Variants in GALNT17 observed in about 807,000 individuals in gnomAD.
GALNT17 encodes the protein polypeptide N-acetylgalactosaminyltransferase 17.
In GALNT17, 29 loss-of-function variants were observed where a neutral mutation model predicts 63.7. The ratio of observed to expected loss-of-function variants is 0.46; its 90% CI spans 0.34 to 0.62. GALNT17 has a LOEUF of 0.62. Among genes scored for constraint, GALNT17 ranks in the 20% least tolerant of loss-of-function variants. The probability of loss-of-function intolerance (pLI) is 0.01; values close to 1 mark genes in which losing one functional copy is unlikely to be tolerated. For missense variants in GALNT17, 603 were observed against 799.6 expected (o/e 0.75, Z 2.97); for synonymous variants, 305 against 318.3 (o/e 0.96, Z 0.45).
chr7:71,197,971 G>A (rs556640162), intron 1 of GALNT17, among the ~76,000 whole-genome samples: 2 of 152,130 alleles, frequency 1.3e-5, no homozygotes, highest in African/African-American at 2.4e-5. Context: ...GCCGAGGTGG[G>A]CGGATCACCA....
At chr7:71,438,910 G>A (rs1393077438) in intron 5 of GALNT17, among the ~76,000 whole-genome samples, 1 of 147,800 alleles carries the variant, frequency 6.8e-6, no homozygotes, top group Non-Finnish European at 1.5e-5. Context: ...TTGGAGACAA[G>A]GTCTTGTTTT....
At position 71,322,700 on chromosome 7, in the gene GALNT17, T is replaced by C. The variant is rs1421375878; in HGVS notation, c.239-12850T>C. On this transcript the variant is annotated intron_variant, in intron 1 of 10. Transcript: ENST00000333538. ...GGCCTTTCGGAGGTAATCAGGTTTA[T>C]TTGAGGTAATGAAGGTGAAACTCTT... Among the ~76,000 whole-genome samples the C allele has an allele frequency of 2.0e-5, 3 of 152,136 alleles. 1 individual carries two copies. Among genetic ancestry groups the C allele is most frequent in the Non-Finnish European group, 1.5e-5 (1 of 68,026 alleles).
At chr7:71,296,126 A>T (rs1182603974) in intron 1 of GALNT17, among the ~76,000 whole-genome samples, 2 of 152,090 alleles carry the variant, frequency 1.3e-5, no homozygotes, top group Non-Finnish European at 2.9e-5. Flanking sequence ...CTTTGAAGTT[A>T]TGGGCAATGT....
intron 1 of GALNT17, among the ~76,000 whole-genome samples, chr7:71,298,367 A>T (rs560681869): frequency 8.7e-5 from 7 of 80,500 alleles, no homozygotes; most frequent in Non-Finnish European, 1.2e-4. Context: ...TAATGGCTGT[A>T]CTTTTTGCAA....
intron 1 of GALNT17, among the ~76,000 whole-genome samples, chr7:71,155,360 A>G (rs929025582): frequency 6.6e-6 from 1 of 151,438 alleles, no homozygotes; most frequent in Admixed American, 6.6e-5. Flanking sequence ...TGCACCCCCA[A>G]CCTCCCGGGC....
chr7:71,543,351 G>C (rs931563788), intron 5 of GALNT17, among the ~76,000 whole-genome samples: 3 of 152,178 alleles, frequency 2.0e-5, no homozygotes, highest in African/African-American at 7.2e-5. Flanking sequence ...TTTATTGCTA[G>C]TCGACTAACC....
chr7:71,387,178 G>A (rs985991290), intron 2 of GALNT17, among the ~76,000 whole-genome samples: 2 of 150,846 alleles, frequency 1.3e-5, no homozygotes, highest in African/African-American at 2.4e-5. Flanking sequence ...GGGAGCTGGG[G>A]TATTTGTATT....
intron 1 of GALNT17, among the ~76,000 whole-genome samples, chr7:71,213,810 G>T (rs1392185378): frequency 6.6e-6 from 1 of 151,920 alleles, no homozygotes; most frequent in South Asian, 2.1e-4. Context: ...CAAAATCCTG[G>T]CCATTCCTCA....
intron 6 of GALNT17, among the ~76,000 whole-genome samples, chr7:71,616,806 ATTAG>A (rs1262973935): frequency 3.9e-5 from 4 of 102,008 alleles, no homozygotes; most frequent in Admixed American, 9.4e-5. Context: ...TAGTGTATAC[ATTAG>A]TTAATTATAT....
At chr7:71,482,070 CAT>C (rs1285856600) in intron 5 of GALNT17, among the ~76,000 whole-genome samples, 93 of 85,314 alleles carry the variant, frequency 1.1e-3, no homozygotes, top group African/African-American at 3.4e-3. Context: ...TATAGGTATA[CAT>C]ATATGTATAT....
At chr7:71,573,356 AGTC>A in intron 6 of GALNT17, among the ~76,000 whole-genome samples, 1 of 151,142 alleles carries the variant, frequency 6.6e-6, no homozygotes, top group Non-Finnish European at 1.5e-5. Flanking sequence ...TTTGAGAAGT[AGTC>A]TTGCTCTGTC....
At chr7:71,359,749 A>C (rs1162108949) in intron 2 of GALNT17, among the ~76,000 whole-genome samples, 1 of 151,944 alleles carries the variant, frequency 6.6e-6, no homozygotes, top group Non-Finnish European at 1.5e-5. Context: ...ATACCCGGCT[A>C]ATTTTTGTGC....
intron 1 of GALNT17, among the ~76,000 whole-genome samples, chr7:71,241,679 G>A (rs1789999532): frequency 6.6e-6 from 1 of 152,122 alleles, no homozygotes; most frequent in African/African-American, 2.4e-5. Flanking sequence ...CTTGAAGCCA[G>A]GAGTTCCCAA....
chr7:71,424,823 CA>C (rs1198839667), intron 5 of GALNT17, among the ~76,000 whole-genome samples: 7 of 152,084 alleles, frequency 4.6e-5, no homozygotes, highest in Non-Finnish European at 1.0e-4. Context: ...GATTTTGCTC[CA>C]GTAAAAGATG....
chr7:71,256,053 G>A (rs2115587459), intron 1 of GALNT17, among the ~76,000 whole-genome samples: 1 of 152,262 alleles, frequency 6.6e-6, no homozygotes, highest in African/African-American at 2.4e-5. Context: ...CCTGCTACCT[G>A]GAGGCTTCAT....
chr7:71,229,716 G>A (rs184624440), intron 1 of GALNT17, among the ~76,000 whole-genome samples: 102 of 152,300 alleles, frequency 6.7e-4, no homozygotes, highest in African/African-American at 2.2e-3. Flanking sequence ...CCCAGCAAAC[G>A]TTAAGTCTAT....
rs189586614 is a variant in GALNT17, at chr7:71,604,497, A to G, written c.1080+33095A>G. 7.2e-5 allele frequency among the ~76,000 whole-genome samples: 11 copies of G among 152,334 alleles called. No individual in the cohort carries two copies. The East Asian group carries it at 2.1e-3, about 29-fold the overall frequency. ...CCTTATTTCATTCTTAGAACTGACCAATGAACTATTATTCTTATTCTTATT... is the reference window on the plus strand; with the variant it reads ...CCTTATTTCATTCTTAGAACTGACCGATGAACTATTATTCTTATTCTTATT... On this transcript the variant is annotated intron_variant, in intron 6 of 10. Transcript: ENST00000333538.
rs180827693 is a variant in GALNT17, at chr7:71,181,400, G to C, written c.238+48360G>C. 7.6e-3 allele frequency among the ~76,000 whole-genome samples: 1,157 copies of C among 152,260 alleles called. 16 individuals are homozygous for C. The highest frequency in any genetic ancestry group is 0.025 in the African/African-American group (1,047 of 41,546). ...TGGATATAGGACAGAAAAGAAAAGGGAGGGTCAAGGGTAACCTTTCTTTTC... is the reference window on the plus strand; with the variant it reads ...TGGATATAGGACAGAAAAGAAAAGGCAGGGTCAAGGGTAACCTTTCTTTTC... On this transcript the variant is annotated intron_variant, in intron 1 of 10. Transcript: ENST00000333538.
chr7:71,355,389 C>T (rs1792264493), intron 2 of GALNT17, among the ~76,000 whole-genome samples: 1 of 152,152 alleles, frequency 6.6e-6, no homozygotes, highest in South Asian at 2.1e-4. Flanking sequence ...GTTTTCATTA[C>T]CATTATTTTT....
Sources: allele counts gnomAD v4.1 joint callset (sites outside exome capture counted in the v4.1 genomes callset), GRCh38; gene constraint gnomAD v4.1.1; transcripts MANE v1.5; gene names NCBI Gene and HGNC (gene_info 2026-07-23, HGNC 2026-07-21).